The following RNF40 variants were observed in gnomAD, a reference collection of about 807,000 sequenced individuals.
RNF40 encodes ring finger protein 40.
A neutral mutation model predicts 123.3 loss-of-function variants in RNF40; 39 were observed. That is an observed-to-expected ratio of 0.32 (90% CI 0.24 to 0.41). The LOEUF is 0.41. Ranked by LOEUF, RNF40 falls within the 10% of genes least tolerant of loss-of-function variation. The pLI is 1.00. For synonymous variants in RNF40, 538 were observed against 526.0 expected (o/e 1.02, Z -0.31); for missense variants, 1,003 against 1,319.9 (o/e 0.76, Z 3.72).
chr16:30,763,875 C>T (rs1004611577), intron 4 of RNF40, among the ~76,000 whole-genome samples: 2 of 152,118 alleles, frequency 1.3e-5, no homozygotes, highest in Admixed American at 1.3e-4. Flanking sequence ...ACATAGTAAG[C>T]AGAAAGTACT....
chr16:30,761,710 C>T (rs1567276050), upstream of RNF40: 2 of 1,531,950 alleles, frequency 1.3e-6, no homozygotes, highest in Non-Finnish European at 8.7e-7. Context: ...CCGACTGCAC[C>T]CTCATTCCCA....
chr16:30,766,657 C>T lies in RNF40; in HGVS notation c.1294-84C>T, dbSNP rs971649302. 6.9e-6 allele frequency: 11 copies of T among 1,591,406 alleles called. No individual in the cohort carries two copies. The African/African-American group carries it at 1.1e-4, about 16-fold the overall frequency. On this transcript the variant is annotated intron_variant, in intron 10 of 19. Transcript: ENST00000324685. The surrounding 1 kb of genome is among the most constrained non-coding windows in gnomAD (Gnocchi z 5.4). ...AGGCCCTGTGTGCCAGCCAGGGGTC[C>T]CTGGGGAATAGATTCTTCCTAAGAT...
At chr16:30,762,401 G>T (rs1176175247) in intron 1 of RNF40, 41 bp downstream of exon 1, 3 of 818,744 alleles carry the variant, frequency 3.7e-6, no homozygotes, top group Non-Finnish European at 3.6e-6. Context: ...TCCAGCAGGT[G>T]TGTGCAGGGT....
chr16:30,767,980 CG>C lies in RNF40; in HGVS notation c.1518del (p.Lys507SerfsTer71). On this transcript the variant is annotated frameshift_variant, in exon 12 of 20. Transcript: ENST00000324685. LOFTEE classifies it high-confidence loss of function. ...AAAAGGGGACGCCCAGCGATACAAGCGGAAGCTTCGAGAAGTACAAGCTGAG... is the reference window on the plus strand; with the variant it reads ...AAAAGGGGACGCCCAGCGATACAAGCGAAGCTTCGAGAAGTACAAGCTGAG... ...QLKGDAQRYK[R>X]KLREVQAEIG... is the part of the protein sequence containing the mutation. 6.2e-7 allele frequency: 1 copy of C among 1,614,184 alleles called. No homozygotes were observed. Among genetic ancestry groups the C allele is most frequent in the Non-Finnish European group, 8.5e-7 (1 of 1,180,048 alleles).
Position 30,766,122 on chromosome 16 carries a change from G to T in RNF40, c.994-41G>T. The T allele has an allele frequency of 2.5e-6, 4 of 1,612,516 alleles. No homozygotes were observed. The highest frequency in any genetic ancestry group is 3.4e-6 in the Non-Finnish European group (4 of 1,179,448). On this transcript the variant is annotated intron_variant, in intron 8 of 19. Coordinates refer to ENST00000324685, the MANE Select transcript of RNF40 (RefSeq NM_014771.4). The surrounding 1 kb of genome is among the most constrained non-coding windows in gnomAD (Gnocchi z 5.4). Reference sequence around the variant, plus strand: ...GGATGTAAGGGAGGCCTGCTGCCACGTCTGGCCCTGCCTCCCATGGCCCTG... The same window carrying T: ...GGATGTAAGGGAGGCCTGCTGCCACTTCTGGCCCTGCCTCCCATGGCCCTG...
chr16:30,764,939 G>C lies in RNF40; in HGVS notation c.651G>C (p.Gly217=). ...CTTACCTGGGCCCTGCCTTCCCAGG[G>C]GACAGTGAGCCCCTCAGTGAGGCGG... ...EELCQRVYSR[G]DSEPLSEAAQ... The change falls in exon 6 of 20, where the codon GGG becomes GGC. Residue 217 remains glycine, a splice_region_variant and synonymous_variant. Coordinates refer to ENST00000324685, the MANE Select transcript of RNF40 (RefSeq NM_014771.4). The C allele has an allele frequency of 6.2e-7, 1 of 1,611,250 alleles. No individual in the cohort carries two copies.
rs751674221 is a variant in RNF40 at position 30,763,164 on chromosome 16, C to G, written c.179C>G (p.Ala60Gly). 1 of 1,614,066 alleles carries G rather than the reference C, an allele frequency of 6.2e-7. No individual in the cohort carries two copies. The highest frequency in any genetic ancestry group is 1.1e-5 in the South Asian group (1 of 91,084). ...KVLQFKNKKL[A>G]ERLEQRQACE... ...CTACAGTTCAAGAACAAGAAACTGG[C>G]AGAGCGGCTGGAACAACGGCAGGCT... is the stretch of plus-strand genomic sequence containing the variant. The change falls in exon 3 of 20, where the codon GCA (alanine) becomes GGA (glycine). Residue 60 changes from alanine (A) to glycine (G), a missense_variant. Around this residue, in one of 11 missense-constraint regions of RNF40, gnomAD observed 21 missense variants for 43.7 expected, o/e 0.48. Transcript: ENST00000324685.
intron 8 of RNF40, 81 bp downstream of exon 8, chr16:30,765,580 A>G (rs535177962): frequency 8.3e-5 from 107 of 1,290,730 alleles, no homozygotes; most frequent in Non-Finnish European, 1.0e-4. Flanking sequence ...ACAAAGGACA[A>G]ACATCCATCT....
Position 30,766,951 on chromosome 16 carries a change from C to G in RNF40, c.1429+75C>G, listed in dbSNP as rs2054044461. On this transcript the variant is annotated intron_variant, in intron 11 of 19. Coordinates refer to ENST00000324685, the MANE Select transcript of RNF40 (RefSeq NM_014771.4). This position sits in a 1 kb window ranked among gnomAD's most constrained non-coding sequence, Gnocchi z 5.4. ...GCCCTGGTGTGGGGCTGCTGCTTAT[C>G]CAGATGCAAGAGGCTAAGGCCTTTT... The G allele has an allele frequency of 6.4e-7, 1 of 1,553,334 alleles. No homozygotes were observed. Among genetic ancestry groups the G allele is most frequent in the African/African-American group, 1.4e-5 (1 of 73,448 alleles).
At chr16:30,761,844 G>A (rs951220410), upstream of RNF40, 16 of 1,205,452 alleles carry the variant, frequency 1.3e-5, no homozygotes, top group African/African-American at 3.1e-5. Flanking sequence ...GGCCGGGCCC[G>A]TTCGCCTCGC....
chr16:30,761,797 G>A (rs2053828856), upstream of RNF40: 3 of 1,462,880 alleles, frequency 2.1e-6, no homozygotes, highest in Non-Finnish European at 2.7e-6. Context: ...CGCCGCCTAG[G>A]TTCCAGGACA....
chr16:30,764,122 A>T, intron 4 of RNF40, 57 bp from the exon 5 acceptor site: 1 of 1,444,088 alleles, frequency 6.9e-7, no homozygotes, highest in Non-Finnish European at 9.5e-7. Flanking sequence ...GGAACTTGGT[A>T]CAGAGTGGTA....
chr16:30,766,816 A>G lies in RNF40; in HGVS notation c.1369A>G (p.Lys457Glu). ...QLEDTLAQVR[K>E]EYEMLRIEFE... ...GGAGGACACGCTGGCCCAGGTACGC[A>G]AGGAGTATGAGATGCTGCGCATCGA... Residue 457 changes from lysine to glutamate, a missense_variant, in exon 11 of 20, where the codon AAG becomes GAG. Physicochemically the swap from Lys to Glu is moderately conservative, Grantham distance 56. Coordinates refer to ENST00000324685, the MANE Select transcript of RNF40 (RefSeq NM_014771.4). This position sits in a 1 kb window ranked among gnomAD's most constrained non-coding sequence, Gnocchi z 5.4. 6.2e-7 allele frequency: 1 copy of G among 1,613,976 alleles called. No individual in the cohort carries two copies. The highest frequency in any genetic ancestry group is 8.5e-7 in the Non-Finnish European group (1 of 1,180,000).
upstream of RNF40, chr16:30,761,709 C>A: frequency 6.5e-7 from 1 of 1,532,056 alleles, no homozygotes; most frequent in Non-Finnish European, 8.7e-7. Context: ...TCCGACTGCA[C>A]CCTCATTCCC....
rs1416267503 is a variant in RNF40 at position 30,766,980 on chromosome 16, TCA to T, written c.1429+107_1429+108del. ...ATGCAAGAGGCTAAGGCCTTTTTTT[TCA>T]CAGAGCCTCGGCTTCCTATGCAAAA... On this transcript the variant is annotated intron_variant, in intron 11 of 19. Transcript: ENST00000324685. This position sits in a 1 kb window ranked among gnomAD's most constrained non-coding sequence, Gnocchi z 5.4. The T allele has an allele frequency of 7.1e-7, 1 of 1,398,694 alleles. No individual in the cohort carries two copies. Among genetic ancestry groups the T allele is most frequent in the East Asian group, 2.4e-5 (1 of 40,928 alleles). 86.6% of individuals were successfully genotyped at this position (1,398,694 alleles called of 1,614,324 possible).
In RNF40 at chr16:30,776,103, A is replaced by G. The variant is rs1344326496; in HGVS notation, c.*1989A>G. 2 of 152,206 alleles carry G rather than the reference A, an allele frequency of 1.3e-5. No homozygotes were observed. The highest frequency in any genetic ancestry group is 2.9e-5 in the Non-Finnish European group (2 of 68,038). The allele number at this position is 152,206 out of a possible 1,614,324, so 9.4% of individuals were successfully genotyped here. A position where few individuals can be genotyped will look rare whatever the true frequency, so the allele number is the denominator to read the frequency against. ...AGAGCGCCAGTCTCAGGAGCGCCGC[A>G]CCGGTCACGGGTGGAGGTCAGCCAG... On this transcript the variant is annotated 3_prime_UTR_variant, in exon 20 of 20. Coordinates refer to ENST00000324685, the MANE Select transcript of RNF40 (RefSeq NM_014771.4).
At chr16:30,770,087 G>A (rs116925817) in intron 17 of RNF40, among the ~76,000 whole-genome samples, 1,860 of 86,866 alleles carry the variant, frequency 0.021, 20 homozygotes, top group Non-Finnish European at 0.033. Flanking sequence ...TGACAAGAGC[G>A]AGACTCTGTC....
intron 5 of RNF40, 21 bp from the exon 6 acceptor site, chr16:30,764,917 A>G: frequency 1.9e-6 from 3 of 1,608,506 alleles, no homozygotes; most frequent in Non-Finnish European, 2.5e-6. Flanking sequence ...CTGGGCTCTT[A>G]CCTGGGCCCT....
chr16:30,764,528 A>G (rs2053992414), intron 5 of RNF40, 143 bp downstream of exon 5: 2 of 736,916 alleles, frequency 2.7e-6, no homozygotes, highest in Admixed American at 5.6e-5. Flanking sequence ...TGGAAGAGGT[A>G]GGTTAGGCTG....
Sources: allele counts gnomAD v4.1 joint callset (sites outside exome capture counted in the v4.1 genomes callset), GRCh38; gene constraint gnomAD v4.1.1; regional missense constraint gnomAD v4.1.1; non-coding constraint Gnocchi (gnomAD v3.1); transcripts MANE v1.5; gene names NCBI Gene and HGNC (gene_info 2026-07-23, HGNC 2026-07-21).